The following FAAP24 variants were observed in gnomAD, a reference collection of about 807,000 sequenced individuals.
The protein encoded by FAAP24 is FA core complex associated protein 24.
FAAP24 carries 16 observed loss-of-function variants against 14.3 expected under a neutral mutation model. The ratio of observed to expected loss-of-function variants is 1.12; its 90% confidence interval spans 0.76 to 1.69. The LOEUF is 1.69. FAAP24 is among the 40% of genes most tolerant of loss of function. FAAP24 has a pLI of 0.00. For missense variants in FAAP24, 234 were observed against 262.7 expected (o/e 0.89, Z 0.75); for synonymous variants, 111 against 106.2 (o/e 1.04, Z -0.28).
intron 3 of FAAP24, 151 bp downstream of exon 3, chr19:32,973,713 A>C (rs755351582): frequency 2.4e-6 from 2 of 829,564 alleles, no homozygotes; most frequent in African/African-American, 3.5e-5. Flanking sequence ...AAATTAGCTG[A>C]GTATGGTGGC....
rs1458465641 is a variant in FAAP24, at chr19:32,973,558, G to A, written c.239G>A (p.Arg80Lys). 6.2e-7 allele frequency: 1 copy of A among 1,614,128 alleles called. No homozygotes were observed. Among genetic ancestry groups the A allele is most frequent in the South Asian group, 1.1e-5 (1 of 91,078 alleles). The change falls in exon 3 of 5, where the codon AGA becomes AAA. Residue 80 changes from arginine (R) to lysine (K), a missense_variant. Transcript: ENST00000588258. The part of the protein sequence containing the change: ...NGYRKRLVRV[R>K]NSNNLKGIVV... ...TACAGAAAGAGGCTTGTTCGGGTTAGAAATGTAAGTATTAGGCTGGGTGCT... is the reference window on the plus strand; with the variant it reads ...TACAGAAAGAGGCTTGTTCGGGTTAAAAATGTAAGTATTAGGCTGGGTGCT...
chr19:32,973,324 A>C, intron 2 of FAAP24, 22 bp downstream of exon 2: 1 of 1,612,786 alleles, frequency 6.2e-7, no homozygotes, highest in Non-Finnish European at 8.5e-7. Flanking sequence ...GCCCTCTGCC[A>C]GCCCTTTCCT....
chr19:32,972,322 C>T lies in FAAP24; in HGVS notation c.-38C>T, dbSNP rs11556219. 0.18 allele frequency: 74,670 copies of T among 418,710 alleles called. 6,997 individuals carry two copies. The highest frequency in any genetic ancestry group is 0.19 in the East Asian group (5,643 of 29,374). 25.9% of individuals were successfully genotyped at this position (418,710 alleles called of 1,614,324 possible). A position where few individuals can be genotyped will look rare whatever the true frequency, so the allele number is the denominator to read the frequency against. ...GGGGTTCCTGCCGGCTGTATTCGGG[C>T]CTTGGACTGGACTGAGAAGCTACGG... On this transcript the variant is annotated 5_prime_UTR_variant, in exon 1 of 5. Transcript: ENST00000588258.
At position 32,977,615 on chromosome 19, in the gene FAAP24, C is replaced by T. The variant is rs1232328471; in HGVS notation, c.*933C>T. 1 of 394,780 alleles carries T rather than the reference C, an allele frequency of 2.5e-6. No homozygotes were observed. The highest frequency in any genetic ancestry group is 3.6e-5 in the East Asian group (1 of 27,792). The allele number at this position is 394,780 out of a possible 1,614,324, so 24.5% of individuals were successfully genotyped here. The stretch of plus-strand genomic sequence containing the variant: ...CACAGAAAGTATGAAGTCTGAAGTT[C>T]CCACTTAAAGTTGAAAACTCAACGG... On this transcript the variant is annotated 3_prime_UTR_variant, in exon 5 of 5. Transcript: ENST00000588258.
chr19:32,977,404 T>C lies in FAAP24; in HGVS notation c.*722T>C, dbSNP rs1971535028. The C allele has an allele frequency of 2.5e-6, 1 of 398,632 alleles. No homozygotes were observed. The highest frequency in any genetic ancestry group is 3.6e-5 in the East Asian group (1 of 28,078). The allele number at this position is 398,632 out of a possible 1,614,324, so 24.7% of individuals were successfully genotyped here. On this transcript the variant is annotated 3_prime_UTR_variant, in exon 5 of 5. Coordinates refer to ENST00000588258, the MANE Select transcript of FAAP24 (RefSeq NM_152266.5). ...GCACTGTGTATCCTAAGCCCTGGGT[T>C]CCCAGAGTTTCACCTGCTGTTCATC...
intron 1 of FAAP24, among the ~76,000 whole-genome samples, chr19:32,972,906 C>T (rs925073780): frequency 6.6e-6 from 1 of 151,440 alleles, no homozygotes; most frequent in Non-Finnish European, 1.5e-5. Flanking sequence ...AGTAGAGACG[C>T]GGTTTCACTA....
intron 4 of FAAP24, 84 bp downstream of exon 4, chr19:32,974,296 C>A: frequency 7.0e-7 from 1 of 1,430,528 alleles, no homozygotes; most frequent in South Asian, 1.3e-5. Flanking sequence ...TCAATCCAAT[C>A]TATGTCATTC....
Position 32,973,491 on chromosome 19 carries a change from ATTC to A in FAAP24, c.175_177del (p.Leu59del). Reference sequence around the variant, plus strand: ...CTTTTATCTGTCGAACAGATGCTGCATTCTTTATGTCACCGAAGCTGATTTGGT... The same window carrying A: ...CTTTTATCTGTCGAACAGATGCTGCATTTATGTCACCGAAGCTGATTTGGT... On this transcript the variant is annotated inframe_deletion, in exon 3 of 5. Coordinates refer to ENST00000588258, the MANE Select transcript of FAAP24 (RefSeq NM_152266.5). 6.2e-7 allele frequency: 1 copy of A among 1,614,238 alleles called. No homozygotes were observed. The highest frequency in any genetic ancestry group is 8.5e-7 in the Non-Finnish European group (1 of 1,180,040).
intron 4 of FAAP24, among the ~76,000 whole-genome samples, chr19:32,974,768 A>G (rs959586804): frequency 1.3e-5 from 2 of 152,134 alleles, no homozygotes; most frequent in Non-Finnish European, 2.9e-5. Context: ...GAGCAACAGG[A>G]GCGAAACTTT....
At position 32,977,059 on chromosome 19, in the gene FAAP24, A is replaced by AAG. The variant is rs1971530032; in HGVS notation, c.*378_*379insGA. 1 of 404,728 alleles carries AAG rather than the reference A, an allele frequency of 2.5e-6. No homozygotes were observed. The highest frequency in any genetic ancestry group is 2.1e-5 in the African/African-American group (1 of 48,510). 25.1% of individuals were successfully genotyped at this position (404,728 alleles called of 1,614,324 possible). ...CCGTCTCAAAGAAAACAACAAAAAA[A>AAG]AAAAAAAAAGAAAAAGGATTTTCTC... On this transcript the variant is annotated 3_prime_UTR_variant, in exon 5 of 5. Transcript: ENST00000588258.
At position 32,976,590 on chromosome 19, in the gene FAAP24, C is replaced by A. The variant is rs1207773403; in HGVS notation, c.556C>A (p.Gln186Lys). The A allele has an allele frequency of 6.2e-7, 1 of 1,614,176 alleles. No individual in the cohort carries two copies. Among genetic ancestry groups the A allele is most frequent in the East Asian group, 2.2e-5 (1 of 44,876 alleles). ...CCTCCAGAAGTTTCCAAGCATCCAG[C>A]AACTGAGTAATGCTTCCATTGGGGA... ...LLLQKFPSIQ[Q>K]LSNASIGELE... Residue 186 changes from glutamine (Q) to lysine (K), a missense_variant, in exon 5 of 5, where the codon CAA becomes AAA. Transcript: ENST00000588258.
At position 32,977,884 on chromosome 19, in the gene FAAP24, A is replaced by G. The variant is rs1599801248; in HGVS notation, c.*1202A>G. Reference sequence around the variant, plus strand: ...CAATGGGCCGAGATTGCACCACTGCACTCCAGCCTGGATGACAGAGTGAGA... The same window carrying G: ...CAATGGGCCGAGATTGCACCACTGCGCTCCAGCCTGGATGACAGAGTGAGA... On this transcript the variant is annotated 3_prime_UTR_variant, in exon 5 of 5. Transcript: ENST00000588258. The G allele has an allele frequency of 6.6e-6, 1 of 150,590 alleles. No homozygotes were observed. Among genetic ancestry groups the G allele is most frequent in the Non-Finnish European group, 1.4e-5 (1 of 69,782 alleles). 9.3% of individuals were successfully genotyped at this position (150,590 alleles called of 1,614,324 possible).
Position 32,974,118 on chromosome 19 carries a change from T to C in FAAP24, c.302T>C (p.Phe101Ser), listed in dbSNP as rs749394947. Residue 101 changes from phenylalanine (F) to serine (S), a missense_variant, in exon 4 of 5, where the codon TTC (phenylalanine) becomes TCC (serine). Physicochemically the swap from Phe to Ser is radical, Grantham distance 155 (BLOSUM62 -2). Coordinates refer to ENST00000588258, the MANE Select transcript of FAAP24 (RefSeq NM_152266.5). ...AAAACCCGGATGAGTGAACAATACT[T>C]CCCAGCCCTACAGAAGTTTACTGTG... ...VEKTRMSEQY[F>S]PALQKFTVLD... The C allele has an allele frequency of 1.9e-6, 3 of 1,614,050 alleles. No individual in the cohort carries two copies. In the African/African-American group the frequency reaches 4.0e-5, roughly 22 times the overall value.
At position 32,976,686 on chromosome 19, in the gene FAAP24, C is replaced by G. The variant is rs1468711876; in HGVS notation, c.*4C>G. ...CTTCTTCACGCAGCCCAGGTGAGGG[C>G]TGGCCTCAGGGCCACGGCATCTTCT... On this transcript the variant is annotated 3_prime_UTR_variant, in exon 5 of 5. Coordinates refer to ENST00000588258, the MANE Select transcript of FAAP24 (RefSeq NM_152266.5). The G allele has an allele frequency of 2.5e-6, 4 of 1,612,970 alleles. No individual in the cohort carries two copies. Among genetic ancestry groups the G allele is most frequent in the Non-Finnish European group, 3.4e-6 (4 of 1,179,202 alleles).
chr19:32,973,831 G>A (rs1263510436), intron 3 of FAAP24, among the ~76,000 whole-genome samples: 2 of 151,662 alleles, frequency 1.3e-5, no homozygotes, highest in African/African-American at 2.4e-5. Context: ...CTCCAGCCTG[G>A]GCGACAGAGT....
rs888771522 is a variant in FAAP24 at position 32,973,269 on chromosome 19, T to C, written c.73T>C (p.Trp25Arg). 1.9e-6 allele frequency: 3 copies of C among 1,613,966 alleles called. No individual in the cohort carries two copies. ...GGGGCATATTGTGGCCAATGAGAAA[T>C]GGCGCGGGTCACAGCTGGCGCAGGA... Reference protein sequence around the residue: ...PLGHIVANEKWRGSQLAQEMQ... With the variant: ...PLGHIVANEKRRGSQLAQEMQ... The change falls in exon 2 of 5, where the codon TGG (tryptophan) becomes CGG (arginine). Residue 25 changes from tryptophan (W) to arginine (R), a missense_variant. Transcript: ENST00000588258.
intron 4 of FAAP24, among the ~76,000 whole-genome samples, chr19:32,974,748 A>C (rs1971493738): frequency 6.6e-6 from 1 of 152,094 alleles, no homozygotes; most frequent in Non-Finnish European, 1.5e-5. Flanking sequence ...GCTCCATTGC[A>C]CTCCAGCCTG....
In FAAP24 at chr19:32,972,321, G is replaced by A; in HGVS notation, c.-39G>A. The A allele has an allele frequency of 2.4e-6, 1 of 420,300 alleles. No individual in the cohort carries two copies. Among genetic ancestry groups the A allele is most frequent in the South Asian group, 8.1e-5 (1 of 12,326 alleles). 26.0% of individuals were successfully genotyped at this position (420,300 alleles called of 1,614,324 possible). ...TGGGGTTCCTGCCGGCTGTATTCGGGCCTTGGACTGGACTGAGAAGCTACG... is the reference window on the plus strand; with the variant it reads ...TGGGGTTCCTGCCGGCTGTATTCGGACCTTGGACTGGACTGAGAAGCTACG... On this transcript the variant is annotated 5_prime_UTR_variant, in exon 1 of 5. Coordinates refer to ENST00000588258, the MANE Select transcript of FAAP24 (RefSeq NM_152266.5).
At position 32,976,735 on chromosome 19, in the gene FAAP24, C is replaced by G; in HGVS notation, c.*53C>G. 1 of 1,594,350 alleles carries G rather than the reference C, an allele frequency of 6.3e-7. No homozygotes were observed. Among genetic ancestry groups the G allele is most frequent in the Admixed American group, 1.7e-5 (1 of 57,326 alleles). ...CTCCTGAGACCACAAACACCAGGAT[C>G]TTGTTTTCAGCTTTAAAAACCAAGA... On this transcript the variant is annotated 3_prime_UTR_variant, in exon 5 of 5. Transcript: ENST00000588258.
Sources: gnomAD v4.1 joint callset for allele counts (sites outside exome capture counted in the v4.1 genomes callset) on GRCh38, gnomAD v4.1.1 for gene constraint, MANE v1.5 for transcripts, NCBI Gene and HGNC (gene_info 2026-07-23, HGNC 2026-07-21) for gene names.